The following SEPTIN4 variants were observed in gnomAD, a reference collection of about 807,000 sequenced individuals.
SEPTIN4 encodes septin 4.
In SEPTIN4, 52 loss-of-function variants were observed where a neutral mutation model predicts 107.1. The ratio of observed to expected loss-of-function variants is 0.49; its 90% confidence interval spans 0.39 to 0.61. SEPTIN4 has a LOEUF of 0.61. Ranked by LOEUF, SEPTIN4 falls within the 20% of genes least tolerant of loss-of-function variation. The pLI is 0.00. For synonymous variants in SEPTIN4, 417 were observed against 467.0 expected (o/e 0.89, Z 1.38); for missense variants, 1,048 against 1,243.5 (o/e 0.84, Z 2.36).
chr17:58,541,540 G>A (rs2043875535), intron 2 of SEPTIN4: 1 of 335,940 alleles, frequency 3.0e-6, no homozygotes, highest in African/African-American at 2.1e-5. Context: ...CACATGAGAA[G>A]AGCCCCCAGC....
intron 3 of SEPTIN4, chr17:58,528,474 C>G (rs1268476979): frequency 3.3e-5 from 5 of 152,512 alleles, no homozygotes; most frequent in Admixed American, 3.3e-4. Context: ...TATCCTGAGG[C>G]AAGCCTAACC....
chr17:58,540,811 G>C (rs145141311), intron 2 of SEPTIN4, 138 bp from the exon 3 acceptor site: 138 of 858,566 alleles, frequency 1.6e-4, no homozygotes, highest in Non-Finnish European at 2.1e-4. Flanking sequence ...TCCCTTCCTA[G>C]TGCAAGTGGC....
Position 58,525,163 on chromosome 17 carries a change from C to G in SEPTIN4, c.2131G>C (p.Val711Leu). The G allele has an allele frequency of 6.2e-7, 1 of 1,614,220 alleles. No individual in the cohort carries two copies. Among genetic ancestry groups the G allele is most frequent in the South Asian group, 1.1e-5 (1 of 91,086 alleles). ...CTCACACCCTTCTCTTCTATGTCCACTGCATGCTTAGTGATCTCCACAGTT... is the reference window on the plus strand; with the variant it reads ...CTCACACCCTTCTCTTCTATGTCCAGTGCATGCTTAGTGATCTCCACAGTT... ...MQTVEITKHA[V>L]DIEEKGVRLR... Residue 711 changes from valine (V) to leucine (L), a missense_variant, in exon 7 of 14, where the codon GTG (valine) becomes CTG (leucine). This residue lies in a region of SEPTIN4 where 787 missense variants were observed against 871.8 expected (regional missense o/e 0.90). Coordinates refer to ENST00000672673, the MANE Select transcript of SEPTIN4 (RefSeq NM_001368771.2).
rs779838958 is a variant in SEPTIN4, at chr17:58,521,296, G to A, written c.2626C>T (p.Arg876Trp). The change falls in exon 11 of 14, where the codon CGG becomes TGG. Residue 876 changes from arginine to tryptophan, a missense_variant. Transcript: ENST00000672673. The surrounding 1 kb of genome is among the most constrained non-coding windows in gnomAD (Gnocchi z 6.4). The stretch of plus-strand genomic sequence containing the variant: ...GGGTAGAGTCGACCCCGAACTCGCC[G>A]CCCTCTGGCCTCTACTACAGTGTTG... ...GSNTVVEARG[R>W]RVRGRLYPWG... 1.5e-5 allele frequency: 24 copies of A among 1,614,038 alleles called. No individual in the cohort carries two copies. The highest frequency in any genetic ancestry group is 1.9e-5 in the Non-Finnish European group (22 of 1,180,028).
chr17:58,533,853 C>G (rs890229728), intron 3 of SEPTIN4, among the ~76,000 whole-genome samples: 1 of 152,224 alleles, frequency 6.6e-6, no homozygotes, highest in South Asian at 2.1e-4. Flanking sequence ...ATACCTCTTG[C>G]GTGCTTCCAG....
chr17:58,525,022 T>C, intron 7 of SEPTIN4, 56 bp downstream of exon 7: 1 of 1,611,054 alleles, frequency 6.2e-7, no homozygotes, highest in Non-Finnish European at 8.5e-7. Context: ...CGTGTGTACC[T>C]GTGTATGGAG....
chr17:58,533,446 G>A (rs1403236801), intron 3 of SEPTIN4, among the ~76,000 whole-genome samples: 1 of 152,182 alleles, frequency 6.6e-6, no homozygotes, highest in East Asian at 1.9e-4. Context: ...GTGGGGGAAG[G>A]AGGATATGCT....
intron 3 of SEPTIN4, chr17:58,527,793 T>C (rs1367411578): frequency 8.3e-6 from 8 of 968,376 alleles, no homozygotes; most frequent in East Asian, 2.3e-4. Flanking sequence ...GTGAGGGACA[T>C]ATAAGGGGAA....
At chr17:58,531,698 G>A (rs1376110226) in intron 3 of SEPTIN4, 6 of 211,182 alleles carry the variant, frequency 2.8e-5, no homozygotes, top group Non-Finnish European at 2.7e-5. Flanking sequence ...CCCTCAGCAC[G>A]GACCCACCCC....
chr17:58,525,886 T>A, intron 5 of SEPTIN4, 105 bp from the exon 6 acceptor site: 1 of 1,042,806 alleles, frequency 9.6e-7, no homozygotes, highest in Non-Finnish European at 1.4e-6. Context: ...CTTATCTAAT[T>A]GGAACTAGAC....
At chr17:58,534,178 C>G (rs538108124) in intron 3 of SEPTIN4, among the ~76,000 whole-genome samples, 7 of 152,336 alleles carry the variant, frequency 4.6e-5, no homozygotes, top group African/African-American at 1.4e-4. Flanking sequence ...TAATCTCTTT[C>G]TAATCACTGT....
At chr17:58,539,771 G>A (rs2043826330) in intron 3 of SEPTIN4, among the ~76,000 whole-genome samples, 1 of 152,138 alleles carries the variant, frequency 6.6e-6, no homozygotes. Context: ...AAGGAAGGAA[G>A]GGAGAAAGGG....
intron 3 of SEPTIN4, chr17:58,528,075 C>A (rs767966460): frequency 4.3e-5 from 42 of 974,410 alleles, no homozygotes; most frequent in Admixed American, 1.8e-4. Context: ...CTCACAATAC[C>A]CACGTGCCAC....
At chr17:58,542,557 T>C in intron 1 of SEPTIN4, 69 bp downstream of exon 1, 2 of 1,534,552 alleles carry the variant, frequency 1.3e-6, no homozygotes, top group Non-Finnish European at 1.8e-6. Flanking sequence ...AGGTGGTCTT[T>C]CCTGCCCACC....
At chr17:58,542,584 C>G in intron 1 of SEPTIN4, 42 bp downstream of exon 1, 1 of 1,561,824 alleles carries the variant, frequency 6.4e-7, no homozygotes. Context: ...TCCCATCTCA[C>G]TAAATTGGGG....
At chr17:58,526,076 C>T in intron 5 of SEPTIN4, 144 bp downstream of exon 5, 2 of 1,203,314 alleles carry the variant, frequency 1.7e-6, no homozygotes, top group Non-Finnish European at 2.2e-6. Context: ...CTCTCACAGG[C>T]CAATGACTCC....
chr17:58,539,022 A>G (rs190052930), intron 3 of SEPTIN4: 23 of 762,316 alleles, frequency 3.0e-5, no homozygotes, highest in Non-Finnish European at 3.4e-5. Context: ...CTGAGGCTGC[A>G]TGGGGCCATG....
At position 58,544,031 on chromosome 17, in the gene SEPTIN4, T is replaced by C; in HGVS notation, c.156A>G (p.Arg52=). The C allele has an allele frequency of 6.2e-7, 1 of 1,614,096 alleles. No homozygotes were observed. The highest frequency in any genetic ancestry group is 8.5e-7 in the Non-Finnish European group (1 of 1,180,000). The change falls in exon 1 of 14, where the codon AGA becomes AGG. Residue 52 remains arginine (R), a synonymous_variant. Coordinates refer to ENST00000672673, the MANE Select transcript of SEPTIN4 (RefSeq NM_001368771.2). ...GAGTGGTGGGATGTGCAGCTTCTGA[T>C]CTTCGGTGGGAAGGGTTCAGGGAGA... The part of the protein sequence containing the change: ...AAVSLNPSHR[R]SEAAHPTTPH...
At chr17:58,536,946 T>G (rs952267175) in intron 3 of SEPTIN4, among the ~76,000 whole-genome samples, 1 of 152,140 alleles carries the variant, frequency 6.6e-6, no homozygotes, top group Non-Finnish European at 1.5e-5. Flanking sequence ...ACTTGGAAAA[T>G]CCACCATTTC....
Sources: gnomAD v4.1 joint callset for allele counts (sites outside exome capture counted in the v4.1 genomes callset) on GRCh38, gnomAD v4.1.1 for gene constraint, gnomAD v4.1.1 regional missense constraint, Gnocchi (gnomAD v3.1) non-coding constraint, MANE v1.5 for transcripts, NCBI Gene and HGNC (gene_info 2026-07-23, HGNC 2026-07-21) for gene names.